Variants in NIT2 observed in about 807,000 individuals in gnomAD.
NIT2 encodes the protein omega-amidase NIT2.
Under a neutral mutation model 42.7 loss-of-function variants are expected in NIT2, and 46 were observed. The ratio of observed to expected loss-of-function variants is 1.08; its 90% CI spans 0.85 to 1.38. NIT2 has a LOEUF of 1.38. Ranked by LOEUF, NIT2 falls within the 40% of genes most tolerant of loss-of-function variation. NIT2 has a pLI of 0.00. For missense variants in NIT2, 309 were observed against 342.5 expected, an observed-to-expected ratio of 0.90 and a Z score of 0.77; for synonymous variants, 123 against 121.9, an observed-to-expected ratio of 1.01 and a Z score of -0.06.
rs1023854601 is a variant in NIT2, at chr3:100,356,217, A to G, written c.*949A>G. The G allele has an allele frequency of 1.3e-4, 20 of 152,336 alleles. No homozygotes were observed. The highest frequency in any genetic ancestry group is 4.8e-4 in the African/African-American group (20 of 41,570). The allele number at this position is 152,336 out of a possible 1,614,324, so 9.4% of individuals were successfully genotyped here. ...ATATATATGTATCTCAAAGACTTCA[A>G]TGGGTTTTTGCTTACATGGGCCAGT... On this transcript the variant is annotated 3_prime_UTR_variant, in exon 10 of 10. Coordinates refer to ENST00000394140, the MANE Select transcript of NIT2 (RefSeq NM_020202.5).
intron 4 of NIT2, 110 bp downstream of exon 4, chr3:100,341,271 A>G: frequency 1.3e-6 from 1 of 740,768 alleles, no homozygotes; most frequent in Non-Finnish European, 2.4e-6. Flanking sequence ...TCACACATGT[A>G]TTAGGGTTTT....
intron 5 of NIT2, 32 bp downstream of exon 5, chr3:100,345,710 A>T: frequency 1.5e-6 from 2 of 1,318,462 alleles, no homozygotes; most frequent in Middle Eastern, 3.6e-4. Context: ...CTCTTTAGCA[A>T]TCTCAGTAGA....
intron 7 of NIT2, among the ~76,000 whole-genome samples, chr3:100,351,799 A>G (rs1324557158): frequency 6.6e-6 from 1 of 152,234 alleles, no homozygotes; most frequent in Non-Finnish European, 1.5e-5. Context: ...AGCAAAAGAA[A>G]CTACCATCAG....
At chr3:100,339,999 G>T in intron 3 of NIT2, 64 bp downstream of exon 3, 2 of 1,415,558 alleles carry the variant, frequency 1.4e-6, no homozygotes, top group East Asian at 2.4e-5. Flanking sequence ...AGTCAGGTGT[G>T]GTGGCGTGCG....
rs139635529 is a variant in NIT2 at position 100,347,731 on chromosome 3, A to T, written c.506-1072A>T. On this transcript the variant is annotated intron_variant, in intron 6 of 9. Transcript: ENST00000394140. ...CTGACCTTGACCCCAGCCAGTGTCC[A>T]TGCTATTGACACTATTGCAAGAAGG... Among the ~76,000 whole-genome samples the T allele has an allele frequency of 3.4e-3, 515 of 152,324 alleles. 4 individuals carry two copies. The highest frequency in any genetic ancestry group is 0.014 in the Middle Eastern group (4 of 294).
Position 100,348,865 on chromosome 3 carries a change from T to C in NIT2, c.568T>C (p.Leu190=). ...NLTTGPAHWE[L]LQRSRAVDNQ... ...GACCACTGGACCAGCCCATTGGGAGTTACTTCAGCGAAGCCGGTAAGAAAG... is the reference window on the plus strand; with the variant it reads ...GACCACTGGACCAGCCCATTGGGAGCTACTTCAGCGAAGCCGGTAAGAAAG... The change falls in exon 7 of 10, where the codon TTA becomes CTA. Residue 190 remains leucine (L), a synonymous_variant. Transcript: ENST00000394140. The C allele has an allele frequency of 6.2e-7, 1 of 1,613,820 alleles. No homozygotes were observed. The highest frequency in any genetic ancestry group is 1.7e-4 in the Middle Eastern group (1 of 6,054).
intron 6 of NIT2, 67 bp from the exon 7 acceptor site, chr3:100,348,736 A>T: frequency 8.0e-7 from 1 of 1,250,006 alleles, no homozygotes; most frequent in Non-Finnish European, 1.2e-6. Flanking sequence ...GATAAGGAAC[A>T]GTGGGGAGGA....
rs1456700307 is a variant in NIT2 at position 100,348,896 on chromosome 3, A to G, written c.584+15A>G. On this transcript the variant is annotated intron_variant, in intron 7 of 9. Transcript: ENST00000394140. ...CAGCGAAGCCGGTAAGAAAGGAACC[A>G]TATATTCAAGCCTCTCGGCATGTCC... 2 of 1,610,676 alleles carry G rather than the reference A, an allele frequency of 1.2e-6. No homozygotes were observed. Among genetic ancestry groups the G allele is most frequent in the East Asian group, 2.2e-5 (1 of 44,838 alleles).
chr3:100,357,944 A>G lies in NIT2; in HGVS notation c.*2676A>G, dbSNP rs1706339156. Reference sequence around the variant, plus strand: ...GGCGTGAGCCACCGCGCCCGGCCTAATTTTTGTATTTTTAGTAGAAATGGG... The same window carrying G: ...GGCGTGAGCCACCGCGCCCGGCCTAGTTTTTGTATTTTTAGTAGAAATGGG... On this transcript the variant is annotated 3_prime_UTR_variant, in exon 10 of 10. Coordinates refer to ENST00000394140, the MANE Select transcript of NIT2 (RefSeq NM_020202.5). 1 of 151,960 alleles carries G rather than the reference A, an allele frequency of 6.6e-6. No homozygotes were observed. Among genetic ancestry groups the G allele is most frequent in the Admixed American group, 6.6e-5 (1 of 15,230 alleles). 9.4% of individuals were successfully genotyped at this position (151,960 alleles called of 1,614,324 possible). A position where few individuals can be genotyped will look rare whatever the true frequency, so the allele number is the denominator to read the frequency against.
At chr3:100,343,154 C>T (rs1706174454) in intron 4 of NIT2, among the ~76,000 whole-genome samples, 1 of 149,896 alleles carries the variant, frequency 6.7e-6, no homozygotes, top group Non-Finnish European at 1.5e-5. Flanking sequence ...TTTTCATAAT[C>T]TTTAGTTCTT....
chr3:100,342,396 G>A (rs1474267935), intron 4 of NIT2, among the ~76,000 whole-genome samples: 1 of 151,914 alleles, frequency 6.6e-6, no homozygotes, highest in African/African-American at 2.4e-5. Context: ...ATTGAATTTA[G>A]GGATAGAGAC....
intron 7 of NIT2, among the ~76,000 whole-genome samples, chr3:100,351,073 A>G (rs1214522742): frequency 2.0e-5 from 3 of 152,090 alleles, no homozygotes; most frequent in East Asian, 3.9e-4. Context: ...TCCATGGTGT[A>G]TATGTGCCAC....
At position 100,345,576 on chromosome 3, in the gene NIT2, G is replaced by T; in HGVS notation, c.337-9G>T. 2 of 1,589,698 alleles carry T rather than the reference G, an allele frequency of 1.3e-6. No individual in the cohort carries two copies. The highest frequency in any genetic ancestry group is 1.1e-5 in the South Asian group (1 of 89,990). On this transcript the variant is annotated splice_polypyrimidine_tract_variant and intron_variant, in intron 4 of 9. Transcript: ENST00000394140. The stretch of plus-strand genomic sequence containing the variant: ...AAAGAGGTAACCAAATCCATTATTT[G>T]TGATGCAGATCCATCTGTTTGACAT...
chr3:100,336,724 A>G (rs1334374044), intron 1 of NIT2, among the ~76,000 whole-genome samples: 2 of 151,934 alleles, frequency 1.3e-5, no homozygotes, highest in African/African-American at 4.8e-5. Flanking sequence ...GGTTTTCCCT[A>G]TCTTAGTAGA....
In NIT2 at chr3:100,341,065, A is replaced by C. The variant is rs762611070; in HGVS notation, c.248-8A>C. 2.5e-6 allele frequency: 4 copies of C among 1,596,490 alleles called. No individual in the cohort carries two copies. The Admixed American group carries it at 6.7e-5, about 27-fold the overall frequency. The stretch of plus-strand genomic sequence containing the variant: ...TTTCTTATGGTATGTTTCTTCTCTC[A>C]ATGAAAGGCTCTATCCCTGAAGAGG... On this transcript the variant is annotated splice_polypyrimidine_tract_variant and splice_region_variant and intron_variant, in intron 3 of 9. Transcript: ENST00000394140.
intron 7 of NIT2, among the ~76,000 whole-genome samples, chr3:100,351,527 A>G (rs1188548412): frequency 6.6e-6 from 1 of 152,164 alleles, no homozygotes; most frequent in Admixed American, 6.5e-5. Context: ...TATTTAATAA[A>G]TGGTGCTGGG....
intron 4 of NIT2, 45 bp from the exon 5 acceptor site, chr3:100,345,540 A>G (rs1338224061): frequency 5.4e-6 from 7 of 1,297,294 alleles, no homozygotes; most frequent in Non-Finnish European, 7.8e-6. Context: ...ACTGCCATGG[A>G]CCCTGCTGGA....
At chr3:100,340,053 CAG>C (rs1186781605) in intron 3 of NIT2, 118 bp downstream of exon 3, 10 of 771,138 alleles carry the variant, frequency 1.3e-5, no homozygotes, top group African/African-American at 9.1e-5. Context: ...GAAGCTGAAG[CAG>C]AGAGTTTCTT....
In NIT2 at chr3:100,346,174, G is replaced by A. The variant is rs759970808; in HGVS notation, c.431-7G>A. The A allele has an allele frequency of 1.9e-6, 3 of 1,613,802 alleles. No homozygotes were observed. The highest frequency in any genetic ancestry group is 2.5e-6 in the Non-Finnish European group (3 of 1,179,748). On this transcript the variant is annotated splice_polypyrimidine_tract_variant and splice_region_variant and intron_variant, in intron 5 of 9. Transcript: ENST00000394140. ...TTTTCATTTGTGCATTTTCTGTTTG[G>A]AAACAGCTTACTGCAGAGTGGGTCT...
Sources: gnomAD v4.1 joint callset for allele counts (sites outside exome capture counted in the v4.1 genomes callset) on GRCh38, gnomAD v4.1.1 for gene constraint, MANE v1.5 for transcripts, NCBI Gene and HGNC (gene_info 2026-07-23, HGNC 2026-07-21) for gene names.